Variants in NCS1 observed in about 807,000 individuals in gnomAD.
The protein encoded by NCS1 is frequenin homolog.
A neutral mutation model predicts 28.4 loss-of-function variants in NCS1; 6 were observed. The ratio of observed to expected loss-of-function variants is 0.21; its 90% CI spans 0.12 to 0.42. The LOEUF (loss-of-function observed/expected upper bound fraction) is 0.42. Ranked by LOEUF, NCS1 falls within the 10% of genes least tolerant of loss-of-function variation. NCS1 has a pLI of 1.00. For synonymous variants in NCS1, 86 were observed against 99.3 expected (o/e 0.87, Z 0.79); for missense variants, 131 against 241.4 (o/e 0.54, Z 3.03).
At position 130,175,995 on chromosome 9, in the gene NCS1, C is replaced by A. The variant is rs556823101; in HGVS notation, c.64+3268C>A. 3.9e-5 allele frequency among the ~76,000 whole-genome samples: 6 copies of A among 152,248 alleles called. No individual in the cohort carries two copies. Among genetic ancestry groups the A allele is most frequent in the Non-Finnish European group, 7.4e-5 (5 of 68,022 alleles). ...ACCTGAGCCTCAGTTTCCTCATCTG[C>A]AAAATAGGTGTGCTCATGGCACCTG... On this transcript the variant is annotated intron_variant, in intron 1 of 7. Transcript: ENST00000372398. This position sits in a 1 kb window ranked among gnomAD's most constrained non-coding sequence, Gnocchi z 4.9.
chr9:130,227,375 C>A, intron 7 of NCS1, among the ~76,000 whole-genome samples: 1 of 152,228 alleles, frequency 6.6e-6, no homozygotes, highest in East Asian at 1.9e-4. Context: ...TTCTTGTCCA[C>A]GTCCTGGTGA....
At chr9:130,227,202 C>T (rs904773068) in intron 7 of NCS1, among the ~76,000 whole-genome samples, 4 of 152,198 alleles carry the variant, frequency 2.6e-5, no homozygotes, top group South Asian at 2.1e-4. Context: ...AATGATAGCA[C>T]GCCTGGCAGA....
intron 2 of NCS1, among the ~76,000 whole-genome samples, chr9:130,216,486 C>G (rs368574630): frequency 6.6e-6 from 1 of 152,168 alleles, no homozygotes; most frequent in Admixed American, 6.5e-5. Flanking sequence ...GAGGCCGAGG[C>G]GGGCAGATCT....
chr9:130,182,460 T>C lies in NCS1; in HGVS notation c.64+9733T>C, dbSNP rs377607867. On this transcript the variant is annotated intron_variant, in intron 1 of 7. Transcript: ENST00000372398. ...GGCTGGGTGTGAGGTTGGTGGCAGA[T>C]AGGATCCTTCCCGCTGGTTCCAGAG... Among the ~76,000 whole-genome samples the C allele has an allele frequency of 3.9e-5, 6 of 152,278 alleles. No homozygotes were observed. The East Asian group carries it at 7.7e-4, about 20-fold the overall frequency.
In NCS1 at chr9:130,203,066, G is replaced by GTGTGTGTGTGTATACACATACATATA. The variant is rs1554907626; in HGVS notation, c.89+2095_89+2096insATACACATACATATATGTGTGTGTGT. Among the ~76,000 whole-genome samples, 7 of 151,366 alleles carry GTGTGTGTGTGTATACACATACATATA rather than the reference G, an allele frequency of 4.6e-5. No individual in the cohort carries two copies. In the South Asian group the frequency reaches 1.0e-3, roughly 23 times the overall value. On this transcript the variant is annotated intron_variant, in intron 2 of 7. Transcript: ENST00000372398. ...TAAATATGTGTGTGTGTGTGTGTGTGTGTGTGTGTGTGTGTATACACATAC... is the reference window on the plus strand; with the variant it reads ...TAAATATGTGTGTGTGTGTGTGTGTGTGTGTGTGTGTATACACATACATATATGTGTGTGTGTGTGTATACACATAC...
intron 7 of NCS1, among the ~76,000 whole-genome samples, chr9:130,228,398 CTGTAG>C (rs1287898558): frequency 6.6e-6 from 1 of 150,630 alleles, no homozygotes; most frequent in Non-Finnish European, 1.5e-5. Flanking sequence ...TGTTTTTTTT[CTGTAG>C]TGTAGAGATA....
Position 130,173,073 on chromosome 9 carries a change from A to AG in NCS1, c.64+351dup, listed in dbSNP as rs563721691. On this transcript the variant is annotated intron_variant, in intron 1 of 7. Transcript: ENST00000372398. The stretch of plus-strand genomic sequence containing the variant: ...GCCAGGGTGGGGCGGTGGTCCCGGG[A>AG]GGGGGCGCCCGGCTGCGCGGAGCCG... 8.8e-3 allele frequency among the ~76,000 whole-genome samples: 1,333 copies of AG among 151,622 alleles called. 20 individuals are homozygous for AG. The highest frequency in any genetic ancestry group is 0.03 in the African/African-American group (1,259 of 41,332).
intron 1 of NCS1, among the ~76,000 whole-genome samples, chr9:130,176,138 T>TTTTCTTTCTTTCTTTCCTTC (rs1832561092): frequency 2.9e-5 from 3 of 102,218 alleles, no homozygotes; most frequent in Non-Finnish European, 3.8e-5. Flanking sequence ...TATTTGTTCA[T>TTTTCTTTCTTTCTTTCCTTC]TTTCTTTCTT....
At chr9:130,185,449 C>T (rs1486540595) in intron 1 of NCS1, among the ~76,000 whole-genome samples, 4 of 152,154 alleles carry the variant, frequency 2.6e-5, no homozygotes, top group Non-Finnish European at 4.4e-5. Flanking sequence ...GGGGGTTTTC[C>T]TCCGTGGCTG....
chr9:130,175,664 G>A lies in NCS1; in HGVS notation c.64+2937G>A, dbSNP rs1361030351. Reference sequence around the variant, plus strand: ...GCAGTGTCCTTGGTGGGCGTCTCTGGCTCTGTCTGTGGTGGTCTGTGTGTG... The same window carrying A: ...GCAGTGTCCTTGGTGGGCGTCTCTGACTCTGTCTGTGGTGGTCTGTGTGTG... On this transcript the variant is annotated intron_variant, in intron 1 of 7. Coordinates refer to ENST00000372398, the MANE Select transcript of NCS1 (RefSeq NM_014286.4). The surrounding 1 kb of genome is among the most constrained non-coding windows in gnomAD (Gnocchi z 4.9). Among the ~76,000 whole-genome samples, 5 of 152,178 alleles carry A rather than the reference G, an allele frequency of 3.3e-5. No homozygotes were observed. The highest frequency in any genetic ancestry group is 7.3e-5 in the Non-Finnish European group (5 of 68,030).
intron 1 of NCS1, among the ~76,000 whole-genome samples, chr9:130,176,814 C>A (rs781807162): frequency 6.6e-6 from 1 of 152,248 alleles, no homozygotes; most frequent in African/African-American, 2.4e-5. Flanking sequence ...AGGAAAGCAG[C>A]CGGGTTATCC....
At chr9:130,205,759 C>T (rs1554908021) in intron 2 of NCS1, among the ~76,000 whole-genome samples, 2 of 151,238 alleles carry the variant, frequency 1.3e-5, no homozygotes, top group African/African-American at 4.9e-5. Context: ...GCTTGGGCCC[C>T]AGAGGTCAAG....
rs1470437276 is a variant in NCS1, at chr9:130,175,423, G to A, written c.64+2696G>A. Reference sequence around the variant, plus strand: ...TAATAAACATGAAGGTACCTGGGCTGCCCTCCCGGATTTCCGATTCTTTAG... The same window carrying A: ...TAATAAACATGAAGGTACCTGGGCTACCCTCCCGGATTTCCGATTCTTTAG... On this transcript the variant is annotated intron_variant, in intron 1 of 7. Coordinates refer to ENST00000372398, the MANE Select transcript of NCS1 (RefSeq NM_014286.4). This position sits in a 1 kb window ranked among gnomAD's most constrained non-coding sequence, Gnocchi z 4.9. Among the ~76,000 whole-genome samples, 1 of 152,200 alleles carries A rather than the reference G, an allele frequency of 6.6e-6. No homozygotes were observed. The highest frequency in any genetic ancestry group is 1.9e-4 in the East Asian group (1 of 5,198).
rs970981931 is a variant in NCS1, at chr9:130,235,255, C to T, written c.*2283C>T. The T allele has an allele frequency of 1.3e-5, 2 of 152,462 alleles. No homozygotes were observed. Among genetic ancestry groups the T allele is most frequent in the Non-Finnish European group, 2.9e-5 (2 of 68,264 alleles). The allele number at this position is 152,462 out of a possible 1,614,324, so 9.4% of individuals were successfully genotyped here. On this transcript the variant is annotated 3_prime_UTR_variant, in exon 8 of 8. Coordinates refer to ENST00000372398, the MANE Select transcript of NCS1 (RefSeq NM_014286.4). Reference sequence around the variant, plus strand: ...AGCTGCTGGCCCGGGCGACCTGGGACTCAGCACCAACGGCTGAAGTTTCTC... The same window carrying T: ...AGCTGCTGGCCCGGGCGACCTGGGATTCAGCACCAACGGCTGAAGTTTCTC...
In NCS1 at chr9:130,200,834, C is replaced by A. The variant is rs189047781; in HGVS notation, c.65-124C>A. On this transcript the variant is annotated intron_variant, in intron 1 of 7. Transcript: ENST00000372398. ...GAGCATTTTCTCATCCAGAGCAGGC[C>A]GTTGCCCGGGGACATGGCCGTGGGG... 1,611 of 1,469,420 alleles carry A rather than the reference C, an allele frequency of 1.1e-3. 2 individuals are homozygous for A. The highest frequency in any genetic ancestry group is 1.3e-3 in the Non-Finnish European group (1,393 of 1,049,590). The allele number at this position is 1,469,420 out of a possible 1,614,324, so 91.0% of individuals were successfully genotyped here.
In NCS1 at chr9:130,183,463, G is replaced by A. The variant is rs145216485; in HGVS notation, c.64+10736G>A. Among the ~76,000 whole-genome samples, 1,510 of 152,298 alleles carry A rather than the reference G, an allele frequency of 9.9e-3. 22 individuals are homozygous for A. Among genetic ancestry groups the A allele is most frequent in the African/African-American group, 0.032 (1,312 of 41,568 alleles). ...GCAGGGGGAGGGCAGGAGGAATGTG[G>A]CTTTGAGGAATGTTTAACCCAAGGC... On this transcript the variant is annotated intron_variant, in intron 1 of 7. Transcript: ENST00000372398.
rs1237399906 is a variant in NCS1 at position 130,209,924 on chromosome 9, C to A, written c.90-7908C>A. Among the ~76,000 whole-genome samples, 2 of 152,042 alleles carry A rather than the reference C, an allele frequency of 1.3e-5. No homozygotes were observed. Among genetic ancestry groups the A allele is most frequent in the Non-Finnish European group, 2.9e-5 (2 of 68,008 alleles). ...CTGGGCCTGCCTCTGAGGTCTGGCA[C>A]CATGGCTCTTCTCTAATCCCCAAAG... On this transcript the variant is annotated intron_variant, in intron 2 of 7. Transcript: ENST00000372398. The surrounding 1 kb of genome is among the most constrained non-coding windows in gnomAD (Gnocchi z 4.4).
intron 1 of NCS1, among the ~76,000 whole-genome samples, chr9:130,184,069 C>T (rs946107155): frequency 6.6e-6 from 1 of 152,136 alleles, no homozygotes; most frequent in Non-Finnish European, 1.5e-5. Context: ...CTCGGCCTCC[C>T]AAAGTGCTGG....
intron 1 of NCS1, among the ~76,000 whole-genome samples, chr9:130,189,534 C>T (rs1226479266): frequency 6.6e-6 from 1 of 152,074 alleles, no homozygotes; most frequent in Non-Finnish European, 1.5e-5. Flanking sequence ...GAAAACTCCA[C>T]ACACCCAAGA....
Sources: allele counts gnomAD v4.1 joint callset (sites outside exome capture counted in the v4.1 genomes callset), GRCh38; gene constraint gnomAD v4.1.1; non-coding constraint Gnocchi (gnomAD v3.1); transcripts MANE v1.5; gene names NCBI Gene and HGNC (gene_info 2026-07-23, HGNC 2026-07-21).